The following AKR1B15 variants were observed in gnomAD, a reference collection of about 807,000 sequenced individuals.
AKR1B15 encodes aldo-keto reductase family 1 member B15, also known as estradiol 17-beta-dehydrogenase AKR1B15.
Under a neutral mutation model 38.5 loss-of-function variants are expected in AKR1B15, and 49 were observed. The observed-to-expected ratio is 1.27, with a 90% CI of 1.01 to 1.62. AKR1B15 has a LOEUF of 1.62. Ranked by LOEUF, AKR1B15 falls within the 40% of genes most tolerant of loss-of-function variation. AKR1B15 has a pLI of 0.00. For missense variants in AKR1B15, 411 were observed against 381.6 expected (o/e 1.08, Z -0.64); for synonymous variants, 137 against 135.5 (o/e 1.01, Z -0.08).
chr7:134,567,733 T>C (rs1008034987), intron 3 of AKR1B15, among the ~76,000 whole-genome samples: 1 of 152,046 alleles, frequency 6.6e-6, no homozygotes, highest in Non-Finnish European at 1.5e-5. Context: ...TTCATCTGGG[T>C]CTTCAGAAAG....
In AKR1B15 at chr7:134,576,994, T is replaced by C; in HGVS notation, c.857T>C (p.Val286Ala). The change falls in exon 10 of 12, where the codon GTG (valine) becomes GCG (alanine). Residue 286 changes from valine to alanine, a missense_variant. Coordinates refer to ENST00000457545, the MANE Select transcript of AKR1B15 (RefSeq NM_001080538.3). ...VLIRFHIQRN[V>A]TVIPKSMTPA... ...ATCCGTTTCCATATCCAGAGGAATG[T>C]GACAGTGATCCCCAAGTCTATGACA... 6.2e-7 allele frequency: 1 copy of C among 1,613,980 alleles called. No homozygotes were observed. The highest frequency in any genetic ancestry group is 8.5e-7 in the Non-Finnish European group (1 of 1,179,876).
Position 134,576,450 on chromosome 7 carries a change from CTTG to C in AKR1B15, c.825+23_825+25del. The C allele has an allele frequency of 6.2e-7, 1 of 1,612,608 alleles. No homozygotes were observed. Among genetic ancestry groups the C allele is most frequent in the Non-Finnish European group, 8.5e-7 (1 of 1,178,838 alleles). ...GCCCAGGTACCATATTTTTATTTTT[CTTG>C]TTATCCAACCACTCATGCTTCCAGT... is the stretch of plus-strand genomic sequence containing the variant. On this transcript the variant is annotated intron_variant, in intron 9 of 11. Coordinates refer to ENST00000457545, the MANE Select transcript of AKR1B15 (RefSeq NM_001080538.3).
chr7:134,574,850 G>A (rs17196830), intron 6 of AKR1B15, among the ~76,000 whole-genome samples: 1 of 152,326 alleles, frequency 6.6e-6, no homozygotes, highest in East Asian at 1.9e-4. Flanking sequence ...CCGTGGCCGG[G>A]TGCCCCTGCT....
intron 3 of AKR1B15, among the ~76,000 whole-genome samples, chr7:134,566,349 T>G (rs1562948507): frequency 6.6e-6 from 1 of 152,168 alleles, no homozygotes; most frequent in Non-Finnish European, 1.5e-5. Context: ...CCAGGCTACC[T>G]AACGGGCATC....
intron 1 of AKR1B15, among the ~76,000 whole-genome samples, chr7:134,552,998 G>A (rs75151969): frequency 0.033 from 5,045 of 152,100 alleles, 109 homozygotes; most frequent in Middle Eastern, 0.088. Context: ...AACATACTAC[G>A]GACCTACTTT....
At chr7:134,577,457 C>A (rs567590161) in intron 10 of AKR1B15, among the ~76,000 whole-genome samples, 4 of 152,310 alleles carry the variant, frequency 2.6e-5, no homozygotes, top group African/African-American at 9.6e-5. Context: ...GGCCTGTGCA[C>A]GCCTGGGGTT....
rs1221101017 is a variant in AKR1B15, at chr7:134,575,947, G to A, written c.743+20G>A. The A allele has an allele frequency of 2.2e-5, 35 of 1,610,936 alleles. No individual in the cohort carries two copies. The highest frequency in any genetic ancestry group is 2.7e-5 in the African/African-American group (2 of 74,742). ...ACCTTGGTGAGGCTTCCAAGTGGTGGGTCTTTCTCTTGATAATCTTAAAAA... is the reference window on the plus strand; with the variant it reads ...ACCTTGGTGAGGCTTCCAAGTGGTGAGTCTTTCTCTTGATAATCTTAAAAA... On this transcript the variant is annotated intron_variant, in intron 8 of 11. Transcript: ENST00000457545.
intron 2 of AKR1B15, among the ~76,000 whole-genome samples, chr7:134,560,613 A>G (rs1184978708): frequency 3.3e-5 from 5 of 152,234 alleles, no homozygotes; most frequent in Non-Finnish European, 7.3e-5. Flanking sequence ...ATTTTTATGA[A>G]TAATACACAT....
rs2117670189 is a variant in AKR1B15, at chr7:134,575,570, G to T, written c.636+28G>T. 1.9e-6 allele frequency: 3 copies of T among 1,612,914 alleles called. No homozygotes were observed. The East Asian group carries it at 6.7e-5, about 36-fold the overall frequency. On this transcript the variant is annotated intron_variant, in intron 7 of 11. Coordinates refer to ENST00000457545, the MANE Select transcript of AKR1B15 (RefSeq NM_001080538.3). ...AAATTCTATTCAGTTTAAGGGTAAGGGTCCTGCCCTATTACTTCTTAAACA... is the reference window on the plus strand; with the variant it reads ...AAATTCTATTCAGTTTAAGGGTAAGTGTCCTGCCCTATTACTTCTTAAACA...
At chr7:134,564,129 T>C (rs1375262119) in intron 2 of AKR1B15, among the ~76,000 whole-genome samples, 1 of 152,156 alleles carries the variant, frequency 6.6e-6, no homozygotes, top group Non-Finnish European at 1.5e-5. Flanking sequence ...ATACAGCTAA[T>C]ACCCCTGCTT....
intron 7 of AKR1B15, 62 bp downstream of exon 7, chr7:134,575,604 G>A (rs1450532679): frequency 3.1e-6 from 5 of 1,605,004 alleles, no homozygotes; most frequent in Non-Finnish European, 4.3e-6. Flanking sequence ...CATTGCGGGG[G>A]GAATGTTCAA....
intron 6 of AKR1B15, among the ~76,000 whole-genome samples, chr7:134,572,261 G>A (rs1017687444): frequency 4.6e-5 from 7 of 152,094 alleles, no homozygotes; most frequent in African/African-American, 1.7e-4. Context: ...AATGTGTGTG[G>A]CAGAGCTGGG....
intron 5 of AKR1B15, chr7:134,570,487 C>G (rs1278345458): frequency 1.3e-5 from 2 of 152,174 alleles, no homozygotes; most frequent in African/African-American, 4.8e-5. Flanking sequence ...TTGAGGGCAT[C>G]ATGGAACCTG....
At chr7:134,554,651 T>C (rs533001614) in intron 1 of AKR1B15, among the ~76,000 whole-genome samples, 2 of 152,236 alleles carry the variant, frequency 1.3e-5, no homozygotes, top group Admixed American at 1.3e-4. Context: ...AGGAGGAAGG[T>C]GGGAAATTGA....
At chr7:134,574,602 T>C (rs890282251) in intron 6 of AKR1B15, among the ~76,000 whole-genome samples, 2 of 152,206 alleles carry the variant, frequency 1.3e-5, no homozygotes, top group African/African-American at 4.8e-5. Flanking sequence ...CATTGTATAC[T>C]TTTACATCTT....
At chr7:134,564,358 C>A (rs758770774) in intron 2 of AKR1B15, among the ~76,000 whole-genome samples, 2 of 152,228 alleles carry the variant, frequency 1.3e-5, no homozygotes, top group Non-Finnish European at 2.9e-5. Context: ...GAGGGCTCTG[C>A]ATCTTTTTAG....
At chr7:134,561,011 A>G (rs1794372609) in intron 2 of AKR1B15, among the ~76,000 whole-genome samples, 1 of 152,144 alleles carries the variant, frequency 6.6e-6, no homozygotes, top group Admixed American at 6.6e-5. Context: ...TGTGGCATGC[A>G]TACTCCCATT....
At chr7:134,550,719 T>C (rs1793937962) in intron 1 of AKR1B15, among the ~76,000 whole-genome samples, 1 of 152,220 alleles carries the variant, frequency 6.6e-6, no homozygotes, top group Non-Finnish European at 1.5e-5. Context: ...TAGTAAACTC[T>C]TCTTCCCGGC....
chr7:134,575,319 G>A (rs776211531), intron 6 of AKR1B15, 101 bp from the exon 7 acceptor site: 87 of 1,507,292 alleles, frequency 5.8e-5, no homozygotes, highest in African/African-American at 1.4e-4. Flanking sequence ...ACTCTGTTGC[G>A]GTGGATCCTT....
Sources: allele counts gnomAD v4.1 joint callset (sites outside exome capture counted in the v4.1 genomes callset), GRCh38; gene constraint gnomAD v4.1.1; transcripts MANE v1.5; gene names NCBI Gene and HGNC (gene_info 2026-07-23, HGNC 2026-07-21).